Variants in VTI1B observed in about 807,000 individuals in gnomAD.
The protein encoded by VTI1B is vesicle transport through interaction with t-SNAREs 1B.
VTI1B carries 18 observed loss-of-function variants against 28.6 expected under a neutral mutation model. The ratio of observed to expected loss-of-function variants is 0.63; its 90% CI spans 0.43 to 0.93. The LOEUF (loss-of-function observed/expected upper bound fraction) is 0.93, where lower values mean the gene tolerates loss of function less well. Ranked by LOEUF, VTI1B falls within the 40% of genes least tolerant of loss-of-function variation. The probability of loss-of-function intolerance (pLI) is 0.00; values close to 1 mark genes in which losing one functional copy is unlikely to be tolerated. For missense variants in VTI1B, 283 were observed against 297.0 expected (o/e 0.95, Z 0.35); for synonymous variants, 100 against 107.9 (o/e 0.93, Z 0.46).
intron 1 of VTI1B, among the ~76,000 whole-genome samples, chr14:67,672,515 G>A (rs565773868): frequency 2.3e-4 from 32 of 142,180 alleles, no homozygotes; most frequent in South Asian, 2.2e-4. Flanking sequence ...GCATGATCTC[G>A]GCTCACTGCA....
chr14:67,671,816 G>T (rs2037468285), intron 1 of VTI1B, among the ~76,000 whole-genome samples: 1 of 152,200 alleles, frequency 6.6e-6, no homozygotes, highest in African/African-American at 2.4e-5. Context: ...AACAGATCAA[G>T]AGAGCAGGCA....
Position 67,651,176 on chromosome 14 carries a change from T to A in VTI1B, c.*209A>T, listed in dbSNP as rs1004687117. On this transcript the variant is annotated 3_prime_UTR_variant, in exon 6 of 6. Transcript: ENST00000554659. ...TAAAGAAGTCATAAACAGCATTTAT[T>A]ACCTTGGTATATCATACTGGTCTTG... The A allele has an allele frequency of 7.9e-6, 8 of 1,015,070 alleles. No individual in the cohort carries two copies. In the South Asian group the frequency reaches 1.0e-4, roughly 13 times the overall value. 62.9% of individuals were successfully genotyped at this position (1,015,070 alleles called of 1,614,324 possible). A position where few individuals can be genotyped will look rare whatever the true frequency, so the allele number is the denominator to read the frequency against.
At position 67,651,402 on chromosome 14, in the gene VTI1B, A is replaced by ATT. The variant is rs1465260867; in HGVS notation, c.680_681dup (p.Phe228AsnfsTer10). ...ATAGAAGTTCAATGGCTGCGAAAGA[A>ATT]TTTGTAGTAAACCAGGCCTCCCAGG... On this transcript the variant is annotated frameshift_variant, in exon 6 of 6. Coordinates refer to ENST00000554659, the MANE Select transcript of VTI1B (RefSeq NM_006370.3). LOFTEE classifies it high-confidence loss of function. 1.2e-6 allele frequency: 2 copies of ATT among 1,613,964 alleles called. No individual in the cohort carries two copies. The highest frequency in any genetic ancestry group is 1.7e-6 in the Non-Finnish European group (2 of 1,179,854).
In VTI1B at chr14:67,669,363, A is replaced by T. The variant is rs138392445; in HGVS notation, c.115+5012T>A. 2.2e-3 allele frequency among the ~76,000 whole-genome samples: 331 copies of T among 150,978 alleles called. 1 individual carries two copies. The highest frequency in any genetic ancestry group is 7.6e-3 in the African/African-American group (312 of 41,084). ...CAGCTCACTAAAACTTCAAACTGCT[A>T]GACTCAAGTGATCCTCCTGCCTCAG... On this transcript the variant is annotated intron_variant, in intron 1 of 5. Transcript: ENST00000554659.
chr14:67,659,929 A>G lies in VTI1B; in HGVS notation c.175-7T>C. The G allele has an allele frequency of 6.2e-7, 1 of 1,611,952 alleles. No homozygotes were observed. The highest frequency in any genetic ancestry group is 8.5e-7 in the Non-Finnish European group (1 of 1,178,656). ...CCTCCTCCATCTCTGCCAGCTGGGA[A>G]GGCAGAAAGTAGTGAGCAGATAGCC... On this transcript the variant is annotated splice_region_variant and splice_polypyrimidine_tract_variant and intron_variant, in intron 2 of 5. Transcript: ENST00000554659.
At position 67,649,950 on chromosome 14, in the gene VTI1B, T is replaced by A. The variant is rs554014689; in HGVS notation, c.*1435A>T. 6.6e-6 allele frequency: 1 copy of A among 152,380 alleles called. No homozygotes were observed. The highest frequency in any genetic ancestry group is 2.4e-5 in the African/African-American group (1 of 41,576). 9.4% of individuals were successfully genotyped at this position (152,380 alleles called of 1,614,324 possible). ...AGCATAGTAGCAGGTCTGGATAGGT[T>A]CTTCTGGTTTAAGCTTCCCTTCCAC... is the stretch of plus-strand genomic sequence containing the variant. On this transcript the variant is annotated 3_prime_UTR_variant, in exon 6 of 6. Coordinates refer to ENST00000554659, the MANE Select transcript of VTI1B (RefSeq NM_006370.3).
chr14:67,661,278 C>CAAAA (rs1208811725), intron 2 of VTI1B, among the ~76,000 whole-genome samples: 40 of 56,304 alleles, frequency 7.1e-4, no homozygotes, highest in Non-Finnish European at 7.7e-4. Context: ...AGGGCTAGAG[C>CAAAA]AAAAAAAAAA....
Position 67,669,429 on chromosome 14 carries a change from T to G in VTI1B, c.115+4946A>C, listed in dbSNP as rs78286980. ...GGATTACAAGTGAGCAGCACCACAC[T>G]ACTCAGCTTTTTTTTTTTTGTAGAG... On this transcript the variant is annotated intron_variant, in intron 1 of 5. Coordinates refer to ENST00000554659, the MANE Select transcript of VTI1B (RefSeq NM_006370.3). Among the ~76,000 whole-genome samples, 490 of 149,126 alleles carry G rather than the reference T, an allele frequency of 3.3e-3. 17 individuals carry two copies. The East Asian group carries it at 0.08, about 24-fold the overall frequency.
chr14:67,672,728 C>CCA (rs1358407074), intron 1 of VTI1B, among the ~76,000 whole-genome samples: 1 of 152,180 alleles, frequency 6.6e-6, no homozygotes, highest in African/African-American at 2.4e-5. Flanking sequence ...CAGGTGTGAG[C>CCA]CACCGTACCC....
intron 1 of VTI1B, among the ~76,000 whole-genome samples, chr14:67,672,649 G>C (rs2037481988): frequency 1.4e-5 from 2 of 147,900 alleles, no homozygotes; most frequent in Non-Finnish European, 3.0e-5. Context: ...CACCATATTG[G>C]CCAGGCTGGT....
chr14:67,667,716 G>A (rs900639590), intron 1 of VTI1B, among the ~76,000 whole-genome samples: 1 of 152,090 alleles, frequency 6.6e-6, no homozygotes, highest in Non-Finnish European at 1.5e-5. Flanking sequence ...AGGCCGAGGC[G>A]GGCGGATCAC....
At chr14:67,654,823 A>T (rs566586221) in intron 4 of VTI1B, among the ~76,000 whole-genome samples, 62 of 152,064 alleles carry the variant, frequency 4.1e-4, no homozygotes, top group African/African-American at 1.5e-3. Context: ...AGGTTAAGAG[A>T]TCGAGACCAT....
chr14:67,669,420 GCAC>G (rs199936696), intron 1 of VTI1B, among the ~76,000 whole-genome samples: 1,759 of 150,952 alleles, frequency 0.012, 33 homozygotes, highest in African/African-American at 0.041. Flanking sequence ...CAAGTGAGCA[GCAC>G]CACACTACTC....
Position 67,674,605 on chromosome 14 carries a change from G to A in VTI1B, c.-116C>T, listed in dbSNP as rs951027477. 47 of 785,064 alleles carry A rather than the reference G, an allele frequency of 6.0e-5. No homozygotes were observed. In the African/African-American group the frequency reaches 7.2e-4, roughly 12 times the overall value. 48.6% of individuals were successfully genotyped at this position (785,064 alleles called of 1,614,324 possible). On this transcript the variant is annotated 5_prime_UTR_variant, in exon 1 of 6. Coordinates refer to ENST00000554659, the MANE Select transcript of VTI1B (RefSeq NM_006370.3). ...TAACGGCGACCGCCGCACCACCGCC[G>A]CCCAGGACGAGGCTCTTCCGGAGCC... is the stretch of plus-strand genomic sequence containing the variant.
intron 1 of VTI1B, among the ~76,000 whole-genome samples, chr14:67,670,830 G>C (rs938957530): frequency 6.6e-5 from 10 of 152,004 alleles, no homozygotes; most frequent in Admixed American, 3.9e-4. Context: ...CCGGCCGTTT[G>C]TTTCTTTTTA....
intron 5 of VTI1B, chr14:67,651,725 G>GT: frequency 2.9e-6 from 1 of 346,560 alleles, no homozygotes; most frequent in Non-Finnish European, 5.3e-6. Context: ...CTGAAATGTT[G>GT]TTCAAATAGT....
chr14:67,653,582 T>C, intron 4 of VTI1B, 84 bp from the exon 5 acceptor site: 1 of 1,220,366 alleles, frequency 8.2e-7, no homozygotes, highest in South Asian at 1.3e-5. Context: ...CAGTAGGCAT[T>C]AAGGGATATA....
chr14:67,672,926 C>CTG (rs781204317), intron 1 of VTI1B, among the ~76,000 whole-genome samples: 2 of 152,226 alleles, frequency 1.3e-5, no homozygotes, highest in Non-Finnish European at 2.9e-5. Flanking sequence ...ATGGAACTTC[C>CTG]TGCTCTTCGC....
rs1013323615 is a variant in VTI1B, at chr14:67,651,534, C to CT, written c.603-54dup. The CT allele has an allele frequency of 4.0e-5, 64 of 1,597,228 alleles. No homozygotes were observed. The Middle Eastern group carries it at 6.7e-4, about 17-fold the overall frequency. On this transcript the variant is annotated intron_variant, in intron 5 of 5. Transcript: ENST00000554659. ...GTCAGAAGTTTGGATAACCTTCCTT[C>CT]TAAACATTTTGGGGTTAGACCTGGG...
Sources: gnomAD v4.1 joint callset for allele counts (sites outside exome capture counted in the v4.1 genomes callset) on GRCh38, gnomAD v4.1.1 for gene constraint, MANE v1.5 for transcripts, NCBI Gene and HGNC (gene_info 2026-07-23, HGNC 2026-07-21) for gene names.